The following MECOM variants were observed in gnomAD, a reference collection of about 807,000 sequenced individuals.
MECOM encodes histone-lysine N-methyltransferase MECOM.
Under a neutral mutation model 116.3 loss-of-function variants are expected in MECOM, and 13 were observed. The ratio of observed to expected loss-of-function variants is 0.11; its 90% CI spans 0.07 to 0.18. The LOEUF (loss-of-function observed/expected upper bound fraction) is 0.18. Among genes scored for constraint, MECOM ranks in the 10% least tolerant of loss-of-function variants. MECOM has a pLI of 1.00. For missense variants in MECOM, 1,299 were observed against 1,509.0 expected (o/e 0.86, Z 2.31); for synonymous variants, 528 against 535.2 (o/e 0.99, Z 0.19).
At chr3:169,656,332 T>C (rs907945548) in intron 1 of MECOM, among the ~76,000 whole-genome samples, 2 of 152,336 alleles carry the variant, frequency 1.3e-5, no homozygotes, top group Non-Finnish European at 2.9e-5. Context: ...AATAAATTTC[T>C]CCTTTAGAAT....
At chr3:169,500,716 A>G (rs1754424122) in intron 1 of MECOM, among the ~76,000 whole-genome samples, 1 of 151,998 alleles carries the variant, frequency 6.6e-6, no homozygotes, top group African/African-American at 2.4e-5. Context: ...GAAGCATTTC[A>G]AAATCCTAAG....
At chr3:169,435,105 T>C (rs969267252) in intron 1 of MECOM, among the ~76,000 whole-genome samples, 6 of 152,220 alleles carry the variant, frequency 3.9e-5, no homozygotes, top group African/African-American at 1.4e-4. Context: ...TTTCTATAGT[T>C]TGTCATTATT....
chr3:169,511,564 C>T (rs1375540025), intron 1 of MECOM, among the ~76,000 whole-genome samples: 3 of 152,142 alleles, frequency 2.0e-5, no homozygotes, highest in Non-Finnish European at 4.4e-5. Context: ...GAGTTCAAGA[C>T]CAGCCCGGCC....
intron 1 of MECOM, among the ~76,000 whole-genome samples, chr3:169,609,094 C>T (rs765731651): frequency 6.6e-5 from 10 of 152,162 alleles, no homozygotes; most frequent in Non-Finnish European, 1.0e-4. Flanking sequence ...GCAGACATTA[C>T]AAAAGCCATA....
At chr3:169,551,299 C>G (rs919889933) in intron 1 of MECOM, among the ~76,000 whole-genome samples, 4 of 151,832 alleles carry the variant, frequency 2.6e-5, no homozygotes, top group Non-Finnish European at 5.9e-5. Context: ...CATTAAGAGT[C>G]TTTCCTAAAT....
chr3:169,519,409 G>T (rs1757088122), intron 1 of MECOM, among the ~76,000 whole-genome samples: 1 of 152,176 alleles, frequency 6.6e-6, no homozygotes, highest in African/African-American at 2.4e-5. Flanking sequence ...CTGGCTGAAT[G>T]GAACCCATTT....
At chr3:169,118,792 C>G (rs996045234) in intron 7 of MECOM, among the ~76,000 whole-genome samples, 1 of 152,056 alleles carries the variant, frequency 6.6e-6, no homozygotes, top group African/African-American at 2.4e-5. Context: ...TCTGGTGGCA[C>G]CCGTTGTTAC....
chr3:169,208,978 G>C (rs1027272355), intron 2 of MECOM, among the ~76,000 whole-genome samples: 2 of 151,052 alleles, frequency 1.3e-5, no homozygotes, highest in Non-Finnish European at 2.9e-5. Flanking sequence ...AAACAGCATG[G>C]TACTGCTACC....
chr3:169,114,586 A>G (rs971478279), intron 8 of MECOM, among the ~76,000 whole-genome samples: 2 of 152,160 alleles, frequency 1.3e-5, no homozygotes, highest in Non-Finnish European at 2.9e-5. Context: ...AACTCTTGAC[A>G]ATGTTCAAGA....
At chr3:169,600,160 CAA>C (rs1577060453) in intron 1 of MECOM, among the ~76,000 whole-genome samples, 1 of 151,940 alleles carries the variant, frequency 6.6e-6, no homozygotes, top group Admixed American at 6.6e-5. Flanking sequence ...TTAGTAGAAG[CAA>C]GTTTTCACCA....
rs1042745578 is a variant in MECOM at position 169,464,123 on chromosome 3, G to C, written c.38-82599C>G. Reference sequence around the variant, plus strand: ...GGATGTCAGAGCCAGGACATCCAAGGTAATGATGCTATTCCTATTATCACC... The same window carrying C: ...GGATGTCAGAGCCAGGACATCCAAGCTAATGATGCTATTCCTATTATCACC... On this transcript the variant is annotated intron_variant, in intron 1 of 16. Transcript: ENST00000651503. 5.3e-5 allele frequency: 8 copies of C among 152,120 alleles called. No individual in the cohort carries two copies. The South Asian group carries it at 1.7e-3, about 32-fold the overall frequency. The allele number at this position is 152,120 out of a possible 1,614,324, so 9.4% of individuals were successfully genotyped here. A position where few individuals can be genotyped will look rare whatever the true frequency, so the allele number is the denominator to read the frequency against.
intron 2 of MECOM, among the ~76,000 whole-genome samples, chr3:169,318,336 C>T (rs1449264221): frequency 6.6e-6 from 1 of 152,128 alleles, no homozygotes; most frequent in Non-Finnish European, 1.5e-5. Context: ...GAACAGGCAA[C>T]CTACAGAATG....
At chr3:169,637,855 C>G (rs1241414322) in intron 1 of MECOM, among the ~76,000 whole-genome samples, 1 of 152,186 alleles carries the variant, frequency 6.6e-6, no homozygotes, top group Non-Finnish European at 1.5e-5. Flanking sequence ...ATTCCACACA[C>G]AGTGCAAGGT....
intron 2 of MECOM, among the ~76,000 whole-genome samples, chr3:169,232,134 T>C (rs1301651522): frequency 5.9e-5 from 9 of 152,176 alleles, no homozygotes; most frequent in Admixed American, 5.9e-4. Flanking sequence ...TCCTTTCTGA[T>C]CACGTGAGAA....
At chr3:169,573,072 T>A (rs1764107733) in intron 1 of MECOM, among the ~76,000 whole-genome samples, 1 of 152,110 alleles carries the variant, frequency 6.6e-6, no homozygotes, top group Admixed American at 6.5e-5. Context: ...GAAATACAGC[T>A]GAAAGATCCA....
At chr3:169,369,882 G>A (rs1264785029) in intron 2 of MECOM, among the ~76,000 whole-genome samples, 1 of 151,868 alleles carries the variant, frequency 6.6e-6, no homozygotes, top group Admixed American at 6.6e-5. Context: ...ATACACATTT[G>A]TTATTATATT....
At chr3:169,147,763 T>C in intron 2 of MECOM, 1 of 974,352 alleles carries the variant, frequency 1.0e-6, no homozygotes, top group Non-Finnish European at 1.2e-6. Flanking sequence ...CATGTGTGTG[T>C]GTGAGAGAGA....
chr3:169,413,573 G>A (rs1737979487), intron 1 of MECOM, among the ~76,000 whole-genome samples: 1 of 151,928 alleles, frequency 6.6e-6, no homozygotes, highest in Admixed American at 6.6e-5. Flanking sequence ...CTGAAGCCAG[G>A]GAGCCAGGTG....
chr3:169,385,412 G>A (rs1733160349), intron 1 of MECOM, among the ~76,000 whole-genome samples: 2 of 151,860 alleles, frequency 1.3e-5, no homozygotes, highest in African/African-American at 2.4e-5. Flanking sequence ...TCATCCATAT[G>A]CAAGCACTAA....
Sources: allele counts gnomAD v4.1 joint callset (sites outside exome capture counted in the v4.1 genomes callset), GRCh38; gene constraint gnomAD v4.1.1; transcripts MANE v1.5; gene names NCBI Gene and HGNC (gene_info 2026-07-23, HGNC 2026-07-21).